Variants in ZNF354A observed in about 807,000 individuals in gnomAD.
ZNF354A encodes epididymis luminal protein 104.
A neutral mutation model predicts 53.3 loss-of-function variants in ZNF354A; 25 were observed. That is an observed-to-expected ratio of 0.47 (90% confidence interval 0.34 to 0.66). The LOEUF (loss-of-function observed/expected upper bound fraction) is 0.66. Ranked by LOEUF, ZNF354A falls within the 30% of genes least tolerant of loss-of-function variation. ZNF354A has a pLI of 0.01. For synonymous variants in ZNF354A, 228 were observed against 249.0 expected, an observed-to-expected ratio of 0.92 and a Z score of 0.79; for missense variants, 586 against 716.8, an observed-to-expected ratio of 0.82 and a Z score of 2.08.
In ZNF354A at chr5:178,725,362, G is replaced by A; in HGVS notation, c.256+14C>T. On this transcript the variant is annotated intron_variant, in intron 4 of 4. Coordinates refer to ENST00000335815, the MANE Select transcript of ZNF354A (RefSeq NM_005649.3). The stretch of plus-strand genomic sequence containing the variant: ...TTGTCTGCGGCCATTCCGCACCTCG[G>A]GCCACCCACTTACCTAGAGAGGAGA... The A allele has an allele frequency of 1.9e-6, 3 of 1,612,558 alleles. No individual in the cohort carries two copies. Among genetic ancestry groups the A allele is most frequent in the Non-Finnish European group, 2.5e-6 (3 of 1,179,482 alleles).
At chr5:178,730,280 G>A (rs924763559) in intron 1 of ZNF354A, among the ~76,000 whole-genome samples, 35 of 152,054 alleles carry the variant, frequency 2.3e-4, no homozygotes, top group African/African-American at 6.3e-4. Flanking sequence ...TCGGGGTCCC[G>A]GTGCCCCGAG....
At chr5:178,729,615 G>A (rs1318630770) in intron 1 of ZNF354A, among the ~76,000 whole-genome samples, 1 of 151,460 alleles carries the variant, frequency 6.6e-6, no homozygotes, top group African/African-American at 2.4e-5. Context: ...CAGTAGCGCA[G>A]TGGCAGGATC....
At chr5:178,723,645 T>C (rs1423204011) in intron 4 of ZNF354A, among the ~76,000 whole-genome samples, 1 of 152,138 alleles carries the variant, frequency 6.6e-6, no homozygotes, top group Non-Finnish European at 1.5e-5. Context: ...CACTGGAATG[T>C]GTCCTTCTGT....
intron 4 of ZNF354A, among the ~76,000 whole-genome samples, chr5:178,715,961 A>C (rs2113870629): frequency 6.7e-6 from 1 of 149,238 alleles, no homozygotes; most frequent in Middle Eastern, 3.5e-3. Flanking sequence ...CAGTGGCGCG[A>C]CCTCGGCTCA....
At position 178,712,276 on chromosome 5, in the gene ZNF354A, A is replaced by C; in HGVS notation, c.1602T>G (p.Ser534Arg). 1 of 1,614,086 alleles carries C rather than the reference A, an allele frequency of 6.2e-7. No homozygotes were observed. Among genetic ancestry groups the C allele is most frequent in the Non-Finnish European group, 8.5e-7 (1 of 1,179,970 alleles). Residue 534 changes from serine to arginine, a missense_variant, in exon 5 of 5, where the codon AGT (serine) becomes AGG (arginine). By Grantham distance (110) the Ser-to-Arg change is moderately radical. Transcript: ENST00000335815. ...TCCTTCGATGCTGAATAAGAGCTGAACTTTGGCCAAAAGATATCCCACATT... is the reference window on the plus strand; with the variant it reads ...TCCTTCGATGCTGAATAAGAGCTGACCTTTGGCCAAAAGATATCCCACATT... ...CEECGISFGQ[S>R]SALIQHRRIH...
chr5:178,726,256 G>A (rs919886482), intron 3 of ZNF354A: 5 of 455,436 alleles, frequency 1.1e-5, no homozygotes, highest in Non-Finnish European at 1.8e-5. Flanking sequence ...GAAAAAAAAA[G>A]AGAAATATGT....
At position 178,711,941 on chromosome 5, in the gene ZNF354A, C is replaced by T; in HGVS notation, c.*119G>A. ...GAGGTTTATCCATGGAATTAAATAC[C>T]TAATGAGGGCTAAATTATTACAGTT... is the stretch of plus-strand genomic sequence containing the variant. On this transcript the variant is annotated 3_prime_UTR_variant, in exon 5 of 5. Coordinates refer to ENST00000335815, the MANE Select transcript of ZNF354A (RefSeq NM_005649.3). 10 of 1,275,004 alleles carry T rather than the reference C, an allele frequency of 7.8e-6. No individual in the cohort carries two copies. The highest frequency in any genetic ancestry group is 1.7e-5 in the South Asian group (1 of 60,298). 79.0% of individuals were successfully genotyped at this position (1,275,004 alleles called of 1,614,324 possible). A position where few individuals can be genotyped will look rare whatever the true frequency, so the allele number is the denominator to read the frequency against.
At chr5:178,727,920 G>T (rs1765942502) in intron 2 of ZNF354A, among the ~76,000 whole-genome samples, 1 of 151,950 alleles carries the variant, frequency 6.6e-6, no homozygotes, top group African/African-American at 2.4e-5. Flanking sequence ...GCATGATCTT[G>T]GCTTACTGTA....
chr5:178,712,366 C>G lies in ZNF354A; in HGVS notation c.1512G>C (p.Arg504Ser). The G allele has an allele frequency of 6.2e-7, 1 of 1,613,790 alleles. No individual in the cohort carries two copies. Among genetic ancestry groups the G allele is most frequent in the Non-Finnish European group, 8.5e-7 (1 of 1,179,728 alleles). ...YKCNECGKTF[R>S]CNSSLSNHQR... ...GGTGATTACTAAGTGATGAGTTACACCTGAATGTTTTCCCACACTCGTTAC... is the reference window on the plus strand; with the variant it reads ...GGTGATTACTAAGTGATGAGTTACAGCTGAATGTTTTCCCACACTCGTTAC... Residue 504 changes from arginine (R) to serine (S), a missense_variant, in exon 5 of 5, where the codon AGG becomes AGC. Physicochemically the swap from Arg to Ser is moderately radical, Grantham distance 110 (BLOSUM62 -1). Around this residue, in one of 2 missense-constraint regions of ZNF354A, gnomAD observed 573 missense variants for 680.1 expected, o/e 0.84. Transcript: ENST00000335815.
chr5:178,718,801 T>G (rs1765759530), intron 4 of ZNF354A, among the ~76,000 whole-genome samples: 1 of 152,166 alleles, frequency 6.6e-6, no homozygotes, highest in Non-Finnish European at 1.5e-5. Context: ...GGTGCCATCA[T>G]AGCTCACTGC....
chr5:178,720,920 G>A (rs1473928995), intron 4 of ZNF354A, among the ~76,000 whole-genome samples: 2 of 152,136 alleles, frequency 1.3e-5, no homozygotes. Context: ...AATTCTTTTT[G>A]TGGCTAAGCC....
intron 4 of ZNF354A, among the ~76,000 whole-genome samples, chr5:178,717,977 A>G (rs896453094): frequency 6.6e-6 from 1 of 152,212 alleles, no homozygotes; most frequent in African/African-American, 2.4e-5. Flanking sequence ...ATGGGAGGTG[A>G]GAAAATAGAA....
At chr5:178,724,827 C>T (rs1467683911) in intron 4 of ZNF354A, among the ~76,000 whole-genome samples, 1 of 152,208 alleles carries the variant, frequency 6.6e-6, no homozygotes, top group East Asian at 1.9e-4. Flanking sequence ...TGTCCACGTC[C>T]CTGGACTCTT....
rs201872639 is a variant in ZNF354A, at chr5:178,713,617, C to T, written c.261G>A (p.Ser87=). 8.4e-6 allele frequency: 13 copies of T among 1,548,682 alleles called. No homozygotes were observed. In the East Asian group the frequency reaches 9.0e-5, roughly 11 times the overall value. ...KDGSGVSSLG[S]KSSHKTTKST... ...ACTTTGTGGTTTTATGACTGCTCTT[C>T]GATCCTGGAGGGAAAAAAAAAATCA... is the stretch of plus-strand genomic sequence containing the variant. The change falls in exon 5 of 5, where the codon TCG becomes TCA. Residue 87 remains serine, a synonymous_variant. Coordinates refer to ENST00000335815, the MANE Select transcript of ZNF354A (RefSeq NM_005649.3).
chr5:178,718,419 C>A (rs1765754012), intron 4 of ZNF354A, among the ~76,000 whole-genome samples: 1 of 152,212 alleles, frequency 6.6e-6, no homozygotes, highest in Non-Finnish European at 1.5e-5. Context: ...TCCACCTGGA[C>A]TCTCACTACA....
At chr5:178,728,841 C>G (rs1383984394) in intron 2 of ZNF354A, 149 bp downstream of exon 2, 15 of 1,226,492 alleles carry the variant, frequency 1.2e-5, no homozygotes, top group Non-Finnish European at 1.7e-5. Flanking sequence ...GGTGGTCCTC[C>G]CTACAGAATC....
At chr5:178,715,135 G>T (rs895582463) in intron 4 of ZNF354A, among the ~76,000 whole-genome samples, 14 of 152,240 alleles carry the variant, frequency 9.2e-5, no homozygotes, top group African/African-American at 3.4e-4. Context: ...TCAATAGATA[G>T]TAAATTCTCT....
At chr5:178,714,920 G>C (rs1765686778) in intron 4 of ZNF354A, among the ~76,000 whole-genome samples, 1 of 152,206 alleles carries the variant, frequency 6.6e-6, no homozygotes, top group South Asian at 2.1e-4. Flanking sequence ...TCGACAAGAG[G>C]TGCCACAAGA....
At chr5:178,730,132 T>C (rs1766004224) in intron 1 of ZNF354A, among the ~76,000 whole-genome samples, 2 of 152,194 alleles carry the variant, frequency 1.3e-5, no homozygotes. Context: ...CCCAAAGTGC[T>C]GGGATTACAG....
Sources: gnomAD v4.1 joint callset for allele counts (sites outside exome capture counted in the v4.1 genomes callset) on GRCh38, gnomAD v4.1.1 for gene constraint, gnomAD v4.1.1 regional missense constraint, MANE v1.5 for transcripts, NCBI Gene and HGNC (gene_info 2026-07-23, HGNC 2026-07-21) for gene names.